The following ADGRB3 variants were observed in gnomAD, a reference collection of about 807,000 sequenced individuals.
ADGRB3 encodes the protein adhesion G protein-coupled receptor B3.
ADGRB3 carries 37 observed loss-of-function variants against 193.4 expected under a neutral mutation model. The observed-to-expected ratio is 0.19, with a 90% CI of 0.15 to 0.25. The LOEUF (loss-of-function observed/expected upper bound fraction) is 0.25, where lower values mean the gene tolerates loss of function less well. Ranked by LOEUF, ADGRB3 falls within the 10% of genes least tolerant of loss-of-function variation. ADGRB3 has a pLI of 1.00. For missense variants in ADGRB3, 1,637 were observed against 1,852.9 expected (o/e 0.88, Z 2.14); for synonymous variants, 690 against 644.2 (o/e 1.07, Z -1.08).
intron 17 of ADGRB3, among the ~76,000 whole-genome samples, chr6:69,094,788 G>A (rs1772823045): frequency 6.6e-6 from 1 of 152,114 alleles, no homozygotes; most frequent in Non-Finnish European, 1.5e-5. Context: ...ATTTTTGGAT[G>A]CCTTCCCATA....
intron 3 of ADGRB3, among the ~76,000 whole-genome samples, chr6:68,682,426 T>G (rs879825847): frequency 2.0e-5 from 3 of 152,192 alleles, no homozygotes; most frequent in Admixed American, 2.0e-4. Flanking sequence ...AACAACAAAT[T>G]ACTGTAATAC....
At chr6:68,667,107 G>A (rs1217230332) in intron 3 of ADGRB3, among the ~76,000 whole-genome samples, 1 of 151,684 alleles carries the variant, frequency 6.6e-6, no homozygotes, top group African/African-American at 2.4e-5. Flanking sequence ...CATAGAGCTG[G>A]TACTTTTTTA....
At chr6:68,730,928 A>T (rs368015745) in intron 3 of ADGRB3, among the ~76,000 whole-genome samples, 2 of 151,760 alleles carry the variant, frequency 1.3e-5, no homozygotes, top group South Asian at 4.1e-4. Context: ...TGGATATCAA[A>T]CACTGGCTTT....
chr6:69,252,568 G>A (rs1177902428), intron 20 of ADGRB3, among the ~76,000 whole-genome samples: 3 of 151,932 alleles, frequency 2.0e-5, no homozygotes, highest in Non-Finnish European at 4.4e-5. Flanking sequence ...CATATTCTTG[G>A]CAACATTTTA....
At chr6:68,939,206 ATTTTTAAATTAAAGT>A (rs1767570038) in intron 5 of ADGRB3, among the ~76,000 whole-genome samples, 1 of 152,134 alleles carries the variant, frequency 6.6e-6, no homozygotes, top group African/African-American at 2.4e-5. Flanking sequence ...TAACTTAAAG[ATTTTTAAATTAAAGT>A]TTTTCGTCCC....
chr6:69,303,612 C>T (rs188867393), intron 20 of ADGRB3, among the ~76,000 whole-genome samples: 2 of 152,008 alleles, frequency 1.3e-5, no homozygotes, highest in East Asian at 3.9e-4. Flanking sequence ...GTTTTGGCAT[C>T]TATTAAGTTC....
At chr6:69,131,277 T>C (rs1774000670) in intron 17 of ADGRB3, among the ~76,000 whole-genome samples, 1 of 152,068 alleles carries the variant, frequency 6.6e-6, no homozygotes, top group African/African-American at 2.4e-5. Context: ...CACTGAAAAT[T>C]CCCAGTATGT....
chr6:69,355,064 T>C (rs1410368538), intron 27 of ADGRB3, among the ~76,000 whole-genome samples: 1 of 152,184 alleles, frequency 6.6e-6, no homozygotes, highest in Non-Finnish European at 1.5e-5. Context: ...ACTAAGACTT[T>C]ACAAAGAATA....
At chr6:68,859,814 G>A (rs1202321053) in intron 3 of ADGRB3, among the ~76,000 whole-genome samples, 1 of 152,094 alleles carries the variant, frequency 6.6e-6, no homozygotes, top group East Asian at 1.9e-4. Context: ...TGTTTATTGA[G>A]TAGCTATGAT....
At chr6:69,302,450 T>G (rs1398549639) in intron 20 of ADGRB3, among the ~76,000 whole-genome samples, 1 of 151,952 alleles carries the variant, frequency 6.6e-6, no homozygotes, top group Non-Finnish European at 1.5e-5. Context: ...AGTAAGGGAT[T>G]ATCTTTTAAA....
chr6:69,354,338 T>C lies in ADGRB3; in HGVS notation c.3555+10T>C. The C allele has an allele frequency of 1.3e-6, 2 of 1,595,974 alleles. No homozygotes were observed. The highest frequency in any genetic ancestry group is 1.3e-5 in the African/African-American group (1 of 74,612). On this transcript the variant is annotated intron_variant, in intron 27 of 31. Coordinates refer to ENST00000370598, the MANE Select transcript of ADGRB3 (RefSeq NM_001704.3). Reference sequence around the variant, plus strand: ...GCATGCTCAAATCATGGTGAGTTTTTATTTTTCCCCGATTGTTAATTAACT... The same window carrying C: ...GCATGCTCAAATCATGGTGAGTTTTCATTTTTCCCCGATTGTTAATTAACT...
chr6:69,198,941 C>G (rs1765356501), intron 17 of ADGRB3, among the ~76,000 whole-genome samples: 1 of 152,056 alleles, frequency 6.6e-6, no homozygotes. Context: ...ATGAATCAAG[C>G]TCAAGTGCCA....
At chr6:69,305,844 T>C (rs1255642324) in intron 20 of ADGRB3, among the ~76,000 whole-genome samples, 1 of 151,452 alleles carries the variant, frequency 6.6e-6, no homozygotes, top group Non-Finnish European at 1.5e-5. Flanking sequence ...TATGCATTCA[T>C]GGATTAACAA....
intron 3 of ADGRB3, among the ~76,000 whole-genome samples, chr6:68,862,765 T>C (rs10223798): frequency 0.41 from 62,447 of 152,014 alleles, 14,168 homozygotes; most frequent in African/African-American, 0.59. Context: ...CTATCACTTT[T>C]ACTTCTTTTG....
chr6:69,158,883 A>G (rs1003463092), intron 17 of ADGRB3, among the ~76,000 whole-genome samples: 1 of 152,056 alleles, frequency 6.6e-6, no homozygotes, highest in Non-Finnish European at 1.5e-5. Context: ...ACAATTTTTC[A>G]ATCTTATTGA....
At chr6:69,274,340 A>G (rs1186286965) in intron 20 of ADGRB3, among the ~76,000 whole-genome samples, 1 of 152,220 alleles carries the variant, frequency 6.6e-6, no homozygotes, top group East Asian at 1.9e-4. Context: ...TTCAGTGTTC[A>G]TGCCAAGAAA....
chr6:69,143,377 T>C (rs1359960123), intron 17 of ADGRB3, among the ~76,000 whole-genome samples: 1 of 152,204 alleles, frequency 6.6e-6, no homozygotes, highest in Non-Finnish European at 1.5e-5. Context: ...TGTGCAGCTT[T>C]TTAACTTGAT....
intron 3 of ADGRB3, among the ~76,000 whole-genome samples, chr6:68,799,211 G>C (rs976635794): frequency 2.6e-5 from 4 of 152,082 alleles, no homozygotes; most frequent in African/African-American, 9.7e-5. Flanking sequence ...ACACTCACAA[G>C]CATAAACAAC....
chr6:69,170,801 G>A (rs7759044), intron 17 of ADGRB3, among the ~76,000 whole-genome samples: 274 of 152,188 alleles, frequency 1.8e-3, no homozygotes, highest in African/African-American at 6.2e-3. Context: ...GTAAAGATGG[G>A]GAATTCAGAT....
Sources: gnomAD v4.1 joint callset for allele counts (sites outside exome capture counted in the v4.1 genomes callset) on GRCh38, gnomAD v4.1.1 for gene constraint, MANE v1.5 for transcripts, NCBI Gene and HGNC (gene_info 2026-07-23, HGNC 2026-07-21) for gene names.